UFL1: variants seen among roughly 807,000 people sequenced by gnomAD.
UFL1 encodes the protein E3 UFM1-protein ligase 1.
Under a neutral mutation model 99.3 loss-of-function variants are expected in UFL1, and 78 were observed. The observed-to-expected ratio is 0.79, with a 90% CI of 0.65 to 0.95. The LOEUF (loss-of-function observed/expected upper bound fraction) is 0.95. Ranked by LOEUF, UFL1 falls within the 40% of genes least tolerant of loss-of-function variation. The probability of loss-of-function intolerance (pLI) is 0.00; values close to 1 mark genes in which losing one functional copy is unlikely to be tolerated. For missense variants in UFL1, 936 were observed against 937.0 expected, an observed-to-expected ratio of 1.00 and a Z score of 0.01; for synonymous variants, 335 against 322.2, an observed-to-expected ratio of 1.04 and a Z score of -0.42.
intron 12 of UFL1, among the ~76,000 whole-genome samples, chr6:96,545,591 C>A (rs1769987611): frequency 1.3e-5 from 2 of 150,794 alleles, no homozygotes; most frequent in African/African-American, 4.8e-5. Context: ...TATTTAATTT[C>A]TAATAAATTT....
intron 6 of UFL1, among the ~76,000 whole-genome samples, chr6:96,532,559 T>A (rs1769797065): frequency 1.3e-5 from 2 of 152,228 alleles, no homozygotes; most frequent in Admixed American, 6.5e-5. Context: ...TGAATTATTG[T>A]TCTCATGGGA....
Position 96,537,515 on chromosome 6 carries a change from A to C in UFL1, c.944A>C (p.Glu315Ala). Residue 315 changes from glutamate (E) to alanine (A), a missense_variant, in exon 9 of 19, where the codon GAA (glutamate) becomes GCA (alanine). By Grantham distance (107) the Glu-to-Ala change is moderately radical. Transcript: ENST00000369278. ...GATCAAGTGGAAGCATCAGTAGAAG[A>C]AGCCATCAGCTCTGGAACATGGGTT... is the stretch of plus-strand genomic sequence containing the variant. ...LVDQVEASVE[E>A]AISSGTWVDI... 2.5e-6 allele frequency: 4 copies of C among 1,606,092 alleles called. No individual in the cohort carries two copies. Among genetic ancestry groups the C allele is most frequent in the East Asian group, 2.2e-5 (1 of 44,534 alleles).
chr6:96,523,198 CAGCT>C lies in UFL1; in HGVS notation c.133_136del (p.Leu45LysfsTer2). ...TGTTAATAAATTGATTGCTCAGAAA[CAGCT>C]AGAAGTAGTTCATACACTCGATGGA... On this transcript the variant is annotated frameshift_variant, in exon 2 of 19. Coordinates refer to ENST00000369278, the MANE Select transcript of UFL1 (RefSeq NM_015323.5). LOFTEE classifies it high-confidence loss of function. 1 of 1,613,014 alleles carries C rather than the reference CAGCT, an allele frequency of 6.2e-7. No individual in the cohort carries two copies. Among genetic ancestry groups the C allele is most frequent in the Non-Finnish European group, 8.5e-7 (1 of 1,179,484 alleles).
intron 12 of UFL1, among the ~76,000 whole-genome samples, chr6:96,545,935 G>A (rs1769991782): frequency 6.6e-6 from 1 of 151,038 alleles, no homozygotes; most frequent in South Asian, 2.1e-4. Context: ...GAGAAAAATT[G>A]ATAGAGCCAT....
At chr6:96,522,007 C>T in intron 1 of UFL1, 57 bp downstream of exon 1, 2 of 1,561,218 alleles carry the variant, frequency 1.3e-6, no homozygotes, top group Non-Finnish European at 1.7e-6. Context: ...GCGGACACGC[C>T]TGTATCTGGG....
Position 96,549,770 on chromosome 6 carries a change from G to A in UFL1, c.1789G>A (p.Val597Ile). 6.2e-7 allele frequency: 1 copy of A among 1,611,998 alleles called. No individual in the cohort carries two copies. Residue 597 changes from valine to isoleucine, a missense_variant, in exon 15 of 19, where the codon GTA becomes ATA. Transcript: ENST00000369278. ...CTTAGCTTCGGATTTAATGATGGCA[G>A]TAGACGATCCTGCAGCCATTACAAG... is the stretch of plus-strand genomic sequence containing the variant. Reference protein sequence around the residue: ...NFLASDLMMAVDDPAAITSEI... With the variant: ...NFLASDLMMAIDDPAAITSEI...
At chr6:96,531,504 A>G (rs996901945) in intron 6 of UFL1, among the ~76,000 whole-genome samples, 5 of 152,006 alleles carry the variant, frequency 3.3e-5, no homozygotes, top group South Asian at 4.2e-4. Flanking sequence ...TCCCTTTCTC[A>G]TGTGGGTGTT....
At chr6:96,534,637 CTT>C (rs1390283400) in intron 7 of UFL1, among the ~76,000 whole-genome samples, 2 of 151,746 alleles carry the variant, frequency 1.3e-5, no homozygotes, top group South Asian at 4.1e-4. Context: ...ATAGTTTTTA[CTT>C]TGTTTCTTAT....
Position 96,525,403 on chromosome 6 carries a change from A to G in UFL1, c.350+9A>G. On this transcript the variant is annotated intron_variant, in intron 4 of 18. Transcript: ENST00000369278. ...GGACAACTGATAGATGAGTAAGTAC[A>G]ATAAAGTACAAATTTAAGAGCACTT... The G allele has an allele frequency of 6.4e-7, 1 of 1,571,560 alleles. No homozygotes were observed.
At chr6:96,530,675 C>T (rs1769770668) in intron 6 of UFL1, among the ~76,000 whole-genome samples, 1 of 152,124 alleles carries the variant, frequency 6.6e-6, no homozygotes, top group South Asian at 2.1e-4. Flanking sequence ...TTTGCATACC[C>T]CCATCATTCT....
At chr6:96,538,497 A>G in intron 9 of UFL1, 134 bp from the exon 10 acceptor site, 1 of 723,426 alleles carries the variant, frequency 1.4e-6, no homozygotes, top group South Asian at 2.6e-5. Context: ...TTTGGAGGTT[A>G]TCGGCATAAA....
intron 6 of UFL1, among the ~76,000 whole-genome samples, chr6:96,530,649 C>T (rs912680758): frequency 6.6e-6 from 1 of 152,130 alleles, no homozygotes; most frequent in Non-Finnish European, 1.5e-5. Flanking sequence ...CTAGTGGTAG[C>T]GCCTGCAGGT....
At chr6:96,552,953 C>A (rs962837084) in intron 18 of UFL1, among the ~76,000 whole-genome samples, 11 of 152,100 alleles carry the variant, frequency 7.2e-5, no homozygotes, top group Non-Finnish European at 1.2e-4. Context: ...AGGACCCATT[C>A]AAAAGTCTTG....
At chr6:96,522,162 C>CA (rs1769623766) in intron 1 of UFL1, among the ~76,000 whole-genome samples, 1 of 152,238 alleles carries the variant, frequency 6.6e-6, no homozygotes, top group Admixed American at 6.5e-5. Context: ...TGGAGCCCCC[C>CA]AGCCCAGCTG....
rs1256581241 is a variant in UFL1 at position 96,548,233 on chromosome 6, A to T, written c.1472A>T (p.Gln491Leu). Residue 491 changes from glutamine to leucine, a missense_variant, in exon 13 of 19, where the codon CAA (glutamine) becomes CTA (leucine). By Grantham distance (113) the Gln-to-Leu change is moderately radical (BLOSUM62 -2). Coordinates refer to ENST00000369278, the MANE Select transcript of UFL1 (RefSeq NM_015323.5). ...EIEDFLRKHI[Q>L]DAPEEFISEL... ...GAAGATTTTTTAAGAAAACACATAC[A>T]AGATGCCCCTGAGGAGTTTATTTCG... is the stretch of plus-strand genomic sequence containing the variant. 14 of 1,608,092 alleles carry T rather than the reference A, an allele frequency of 8.7e-6. No homozygotes were observed. Among genetic ancestry groups the T allele is most frequent in the Non-Finnish European group, 1.2e-5 (14 of 1,177,026 alleles).
At chr6:96,534,171 T>C in intron 6 of UFL1, 92 bp from the exon 7 acceptor site, 1 of 830,658 alleles carries the variant, frequency 1.2e-6, no homozygotes, top group Non-Finnish European at 1.7e-6. Flanking sequence ...AAACAGTATT[T>C]TTCTTAAATT....
chr6:96,534,528 G>A (rs1262213919), intron 7 of UFL1, among the ~76,000 whole-genome samples: 1 of 150,762 alleles, frequency 6.6e-6, no homozygotes, highest in African/African-American at 2.4e-5. Context: ...CCCTAGAGGA[G>A]TATAATGAAA....
rs569287256 is a variant in UFL1 at position 96,525,342 on chromosome 6, A to C, written c.298A>C (p.Ile100Leu). 30 of 1,610,690 alleles carry C rather than the reference A, an allele frequency of 1.9e-5. No homozygotes were observed. The highest frequency in any genetic ancestry group is 2.3e-5 in the Non-Finnish European group (27 of 1,178,800). The change falls in exon 4 of 19, where the codon ATT becomes CTT. Residue 100 changes from isoleucine to leucine, a missense_variant. Transcript: ENST00000369278. The stretch of plus-strand genomic sequence containing the variant: ...TCATATTGAAAATAGAATTGGTGAC[A>C]TTATTAAATCAGAAAAGCATGTTCA... ...LIHIENRIGD[I>L]IKSEKHVQLV... is the part of the protein sequence containing the mutation.
intron 6 of UFL1, among the ~76,000 whole-genome samples, chr6:96,533,776 A>G (rs944347730): frequency 6.8e-6 from 1 of 147,932 alleles, no homozygotes; most frequent in African/African-American, 2.5e-5. Context: ...TAGTCATTGC[A>G]GAAAATAGAA....
Sources: allele counts gnomAD v4.1 joint callset (sites outside exome capture counted in the v4.1 genomes callset), GRCh38; gene constraint gnomAD v4.1.1; transcripts MANE v1.5; gene names NCBI Gene and HGNC (gene_info 2026-07-23, HGNC 2026-07-21).